OPCML: variants seen among roughly 807,000 people sequenced by gnomAD.
The protein encoded by OPCML is opioid binding protein/cell adhesion molecule like.
OPCML carries 13 observed loss-of-function variants against 37.8 expected under a neutral mutation model. That is an observed-to-expected ratio of 0.34 (90% confidence interval 0.22 to 0.55). OPCML has a LOEUF of 0.55. Ranked by LOEUF, OPCML falls within the 20% of genes least tolerant of loss-of-function variation. OPCML has a pLI of 0.91. For synonymous variants in OPCML, 176 were observed against 168.8 expected (o/e 1.04, Z -0.33); for missense variants, 341 against 435.6 (o/e 0.78, Z 1.93).
rs182818724 is a variant in OPCML, at chr11:133,370,004, C to T, written c.61+162260G>A. ...TCCATATATACCTTTTACGCATAGC[C>T]TGAAGATAAATTTATACAATATTAT... On this transcript the variant is annotated intron_variant, in intron 1 of 7. Transcript: ENST00000524381. 5.9e-5 allele frequency among the ~76,000 whole-genome samples: 9 copies of T among 152,232 alleles called. No homozygotes were observed. In the East Asian group the frequency reaches 1.5e-3, roughly 26 times the overall value.
intron 4 of OPCML, among the ~76,000 whole-genome samples, chr11:132,504,900 A>G (rs556766848): frequency 6.6e-6 from 1 of 152,208 alleles, no homozygotes; most frequent in East Asian, 1.9e-4. Flanking sequence ...CTACCCTCAT[A>G]GACTTTCTAA....
chr11:133,449,816 G>A (rs1591513304), intron 1 of OPCML, among the ~76,000 whole-genome samples: 1 of 151,488 alleles, frequency 6.6e-6, no homozygotes, highest in African/African-American at 2.4e-5. Flanking sequence ...CACATTCTGA[G>A]GCTCCAGGTA....
chr11:132,722,215 A>G (rs1944698615), intron 2 of OPCML, among the ~76,000 whole-genome samples: 1 of 151,296 alleles, frequency 6.6e-6, no homozygotes, highest in Admixed American at 6.6e-5. Flanking sequence ...TCAGCCTCCC[A>G]AAGTGCTGGG....
intron 1 of OPCML, among the ~76,000 whole-genome samples, chr11:133,048,210 A>C (rs1435001237): frequency 1.3e-5 from 2 of 152,200 alleles, no homozygotes; most frequent in African/African-American, 4.8e-5. Context: ...TAATTAATGC[A>C]TGTTAATTTT....
intron 1 of OPCML, among the ~76,000 whole-genome samples, chr11:133,047,642 A>G (rs1948043497): frequency 1.3e-5 from 2 of 152,066 alleles, no homozygotes; most frequent in South Asian, 4.2e-4. Context: ...CTGTCCATCC[A>G]TCACTCCGGC....
intron 1 of OPCML, among the ~76,000 whole-genome samples, chr11:133,186,141 A>T (rs1429130880): frequency 6.6e-6 from 1 of 152,182 alleles, no homozygotes; most frequent in Non-Finnish European, 1.5e-5. Flanking sequence ...TTTCAATGGC[A>T]TTTAATTGCT....
intron 1 of OPCML, chr11:133,118,389 T>A: frequency 2.0e-6 from 2 of 985,400 alleles, no homozygotes; most frequent in African/African-American, 3.5e-5. Context: ...CTGGAGTCTT[T>A]CTCTGTGTCA....
At chr11:132,795,601 T>C (rs1938259305) in intron 2 of OPCML, among the ~76,000 whole-genome samples, 1 of 152,238 alleles carries the variant, frequency 6.6e-6, no homozygotes, top group African/African-American at 2.4e-5. Flanking sequence ...AAGCCATGTA[T>C]CTACTGTCTG....
intron 1 of OPCML, among the ~76,000 whole-genome samples, chr11:133,495,985 T>C (rs1395663827): frequency 6.6e-6 from 1 of 152,204 alleles, no homozygotes; most frequent in African/African-American, 2.4e-5. Context: ...TAAGCCAATG[T>C]CTGGAAGGGT....
chr11:132,920,266 G>A (rs977092090), intron 2 of OPCML, among the ~76,000 whole-genome samples: 1 of 152,222 alleles, frequency 6.6e-6, no homozygotes, highest in East Asian at 1.9e-4. Flanking sequence ...AGACCTGGGA[G>A]TCTAACGCAG....
intron 2 of OPCML, among the ~76,000 whole-genome samples, chr11:132,718,254 T>C (rs1347542758): frequency 6.6e-6 from 1 of 152,220 alleles, no homozygotes; most frequent in Non-Finnish European, 1.5e-5. Context: ...ATTTAAATTT[T>C]ATCCTGTAGC....
intron 1 of OPCML, among the ~76,000 whole-genome samples, chr11:133,262,307 A>G (rs964983675): frequency 3.3e-5 from 5 of 152,240 alleles, no homozygotes; most frequent in Admixed American, 2.6e-4. Context: ...GAATGCATTC[A>G]GAATGCTTAG....
intron 2 of OPCML, among the ~76,000 whole-genome samples, chr11:132,827,346 T>C (rs914934204): frequency 1.3e-5 from 2 of 152,076 alleles, no homozygotes; most frequent in Non-Finnish European, 2.9e-5. Flanking sequence ...AGTTGCAAAT[T>C]TAAACAATGA....
rs77068768 is a variant in OPCML, at chr11:132,523,216, A to C, written c.505+5845T>G. ...GCCACCGCGCTCAGCTGATCAGTAC[A>C]TTTCTAACCTGAACATCTACCAGAG... On this transcript the variant is annotated intron_variant, in intron 4 of 7. Coordinates refer to ENST00000524381, the MANE Select transcript of OPCML (RefSeq NM_001012393.5). 7.4e-3 allele frequency among the ~76,000 whole-genome samples: 1,130 copies of C among 152,340 alleles called. 6 individuals are homozygous for C. The highest frequency in any genetic ancestry group is 0.013 in the Non-Finnish European group (854 of 68,028).
At chr11:133,146,013 A>C (rs1418892087) in intron 1 of OPCML, among the ~76,000 whole-genome samples, 1 of 152,204 alleles carries the variant, frequency 6.6e-6, no homozygotes, top group Non-Finnish European at 1.5e-5. Flanking sequence ...ATGTCTTATT[A>C]TTTCCATTTT....
At chr11:133,157,988 G>A (rs886624781) in intron 1 of OPCML, among the ~76,000 whole-genome samples, 3 of 152,228 alleles carry the variant, frequency 2.0e-5, no homozygotes, top group Non-Finnish European at 4.4e-5. Context: ...CCAGCAGGAA[G>A]TGCAGAGCCA....
intron 2 of OPCML, among the ~76,000 whole-genome samples, chr11:132,875,751 C>A (rs1208724053): frequency 6.6e-6 from 1 of 152,170 alleles, no homozygotes. Context: ...GTGTGAGTCA[C>A]CATGCCCAGC....
At chr11:133,460,493 A>G (rs956654523) in intron 1 of OPCML, among the ~76,000 whole-genome samples, 1 of 151,836 alleles carries the variant, frequency 6.6e-6, no homozygotes, top group African/African-American at 2.4e-5. Context: ...CAAGAAGACA[A>G]AAAAATCAGC....
intron 2 of OPCML, among the ~76,000 whole-genome samples, chr11:132,769,301 G>A (rs1214355589): frequency 3.3e-5 from 5 of 150,470 alleles, no homozygotes; most frequent in South Asian, 2.1e-4. Flanking sequence ...GCAGTGGTGC[G>A]ATCTTGGCTC....
Sources: gnomAD v4.1 joint callset for allele counts (sites outside exome capture counted in the v4.1 genomes callset) on GRCh38, gnomAD v4.1.1 for gene constraint, MANE v1.5 for transcripts, NCBI Gene and HGNC (gene_info 2026-07-23, HGNC 2026-07-21) for gene names.